The following JAK2 variants were observed in gnomAD, a reference collection of about 807,000 sequenced individuals.
JAK2 encodes tyrosine-protein kinase JAK2.
A neutral mutation model predicts 139.3 loss-of-function variants in JAK2; 86 were observed. The ratio of observed to expected loss-of-function variants is 0.62; its 90% CI spans 0.52 to 0.74. The LOEUF (loss-of-function observed/expected upper bound fraction) is 0.74. JAK2 is among the 30% of genes least tolerant of loss of function. JAK2 has a pLI of 0.00. For synonymous variants in JAK2, 490 were observed against 437.7 expected (o/e 1.12, Z -1.49); for missense variants, 1,421 against 1,360.3 (o/e 1.04, Z -0.70).
At chr9:5,036,343 A>C (rs940700425) in intron 4 of JAK2, among the ~76,000 whole-genome samples, 46 of 152,304 alleles carry the variant, frequency 3.0e-4, no homozygotes, top group African/African-American at 1.0e-3. Context: ...ATCAAGCTAC[A>C]GATGACTTTC....
chr9:5,023,652 C>T (rs1186327606), intron 3 of JAK2, among the ~76,000 whole-genome samples: 1 of 152,186 alleles, frequency 6.6e-6, no homozygotes, highest in Admixed American at 6.5e-5. Flanking sequence ...TTGCCAATCC[C>T]GGCTGGGCAG....
At chr9:5,009,933 T>G (rs1417510974) in intron 2 of JAK2, among the ~76,000 whole-genome samples, 2 of 152,162 alleles carry the variant, frequency 1.3e-5, no homozygotes, top group East Asian at 3.9e-4. Context: ...ACATGCTGGC[T>G]AATTTTTAGA....
In JAK2 at chr9:5,064,875, C is replaced by G; in HGVS notation, c.1057-8C>G. 1 of 1,529,738 alleles carries G rather than the reference C, an allele frequency of 6.5e-7. No individual in the cohort carries two copies. Among genetic ancestry groups the G allele is most frequent in the Non-Finnish European group, 8.8e-7 (1 of 1,138,168 alleles). 94.8% of individuals were successfully genotyped at this position (1,529,738 alleles called of 1,614,324 possible). ...AAGGTGCTATTTCTTTTTCTTTTCT[C>G]TGCTTAGGAAATTGAACTTAGCTCA... On this transcript the variant is annotated splice_polypyrimidine_tract_variant and splice_region_variant and intron_variant, in intron 8 of 24. Transcript: ENST00000381652.
rs145939537 is a variant in JAK2, at chr9:5,090,750, T to C, written c.2898T>C (p.Tyr966=). 26 of 1,603,082 alleles carry C rather than the reference T, an allele frequency of 1.6e-5. No homozygotes were observed. Among genetic ancestry groups the C allele is most frequent in the African/African-American group, 2.7e-5 (2 of 74,066 alleles). The change falls in exon 22 of 25, where the codon TAT becomes TAC. Residue 966 remains tyrosine, a synonymous_variant. Transcript: ENST00000381652. ...TGTTTTATCCATAGGGTATGGAGTA[T>C]CTTGGTACAAAAAGGTATATCCACA... ...YTSQICKGME[Y]LGTKRYIHRD... is the part of the protein sequence containing the mutation.
rs1463312508 is a variant in JAK2, at chr9:5,009,769, GTTAA to G, written c.-25-12193_-25-12190del. On this transcript the variant is annotated intron_variant, in intron 2 of 24. Transcript: ENST00000381652. The stretch of plus-strand genomic sequence containing the variant: ...TTCCTCTGTGTATTTTTTTTCTTCA[GTTAA>G]AATTTTTTTTTTTTGCAGTCACAGT... Among the ~76,000 whole-genome samples, 8 of 151,428 alleles carry G rather than the reference GTTAA, an allele frequency of 5.3e-5. No individual in the cohort carries two copies. In the East Asian group the frequency reaches 1.6e-3, roughly 29 times the overall value.
In JAK2 at chr9:4,987,779, C is replaced by T. The variant is rs575090811; in HGVS notation, c.-26+1757C>T. Among the ~76,000 whole-genome samples, 48 of 151,104 alleles carry T rather than the reference C, an allele frequency of 3.2e-4. No individual in the cohort carries two copies. The South Asian group carries it at 7.6e-3, about 24-fold the overall frequency. On this transcript the variant is annotated intron_variant, in intron 2 of 24. Coordinates refer to ENST00000381652, the MANE Select transcript of JAK2 (RefSeq NM_004972.4). ...AAGAAAAAAAGAGTTATATTATTTACGACTCTTTTAGCTTCACTTTCTTAT... is the reference window on the plus strand; with the variant it reads ...AAGAAAAAAAGAGTTATATTATTTATGACTCTTTTAGCTTCACTTTCTTAT...
At chr9:5,070,672 G>C (rs1403249299) in intron 12 of JAK2, among the ~76,000 whole-genome samples, 2 of 152,042 alleles carry the variant, frequency 1.3e-5, no homozygotes, top group Non-Finnish European at 2.9e-5. Flanking sequence ...TTTCCTTGCA[G>C]ATGCAGAACC....
chr9:5,030,220 T>C (rs1369370990), intron 4 of JAK2, among the ~76,000 whole-genome samples: 1 of 152,220 alleles, frequency 6.6e-6, no homozygotes, highest in Non-Finnish European at 1.5e-5. Context: ...GGGATATTGC[T>C]GGTTTGTGCA....
intron 2 of JAK2, among the ~76,000 whole-genome samples, chr9:4,996,656 T>C (rs1015114334): frequency 6.7e-6 from 1 of 148,322 alleles, no homozygotes; most frequent in Non-Finnish European, 1.5e-5. Context: ...GAATCCACCA[T>C]TTAGGACCCT....
intron 2 of JAK2, among the ~76,000 whole-genome samples, chr9:5,009,858 A>C (rs1821572543): frequency 6.6e-6 from 1 of 151,530 alleles, no homozygotes; most frequent in Admixed American, 6.6e-5. Flanking sequence ...GCAGGCTCAA[A>C]CTCATAAGCT....
chr9:5,089,883 C>T lies in JAK2; in HGVS notation c.2761+20C>T, dbSNP rs762915560. On this transcript the variant is annotated intron_variant, in intron 20 of 24. Transcript: ENST00000381652. ...GTGCTGGTAAGCTGCCCATTGAAAC[C>T]TATTTTAAATTCAAGGTATGTGTTT... 7.0e-7 allele frequency: 1 copy of T among 1,428,746 alleles called. No homozygotes were observed. Among genetic ancestry groups the T allele is most frequent in the Admixed American group, 2.6e-5 (1 of 38,356 alleles). 88.5% of individuals were successfully genotyped at this position (1,428,746 alleles called of 1,614,324 possible).
intron 22 of JAK2, chr9:5,110,893 G>T: frequency 5.6e-6 from 3 of 538,806 alleles, no homozygotes; most frequent in Non-Finnish European, 1.1e-5. Flanking sequence ...TGTCTGAGAT[G>T]CCCGCTCTGG....
At chr9:5,071,016 A>G (rs914693934) in intron 12 of JAK2, among the ~76,000 whole-genome samples, 4 of 152,178 alleles carry the variant, frequency 2.6e-5, no homozygotes, top group Non-Finnish European at 5.9e-5. Context: ...AGCAGAGAAG[A>G]AAAGGAATAT....
At position 5,050,879 on chromosome 9, in the gene JAK2, T is replaced by C. The variant is rs142724240; in HGVS notation, c.614+48T>C. On this transcript the variant is annotated intron_variant, in intron 6 of 24. Coordinates refer to ENST00000381652, the MANE Select transcript of JAK2 (RefSeq NM_004972.4). ...TACACATAAGTGTGAGTAGAGATTTTATATAATTCGTATATATTTTCTGTG... is the reference window on the plus strand; with the variant it reads ...TACACATAAGTGTGAGTAGAGATTTCATATAATTCGTATATATTTTCTGTG... The C allele has an allele frequency of 2.9e-4, 436 of 1,481,324 alleles. 1 individual carries two copies. The highest frequency in any genetic ancestry group is 6.3e-4 in the South Asian group (54 of 85,934). 91.8% of individuals were successfully genotyped at this position (1,481,324 alleles called of 1,614,324 possible). A position where few individuals can be genotyped will look rare whatever the true frequency, so the allele number is the denominator to read the frequency against.
intron 2 of JAK2, among the ~76,000 whole-genome samples, chr9:5,016,045 G>A (rs1376746948): frequency 6.6e-6 from 1 of 152,138 alleles, no homozygotes; most frequent in Non-Finnish European, 1.5e-5. Context: ...TGCTCTTGTG[G>A]TACAACATGG....
In JAK2 at chr9:5,121,593, C is replaced by T. The variant is rs141535926; in HGVS notation, c.3060-1411C>T. ...TGACTGAATTCCCAAGAGATAGTTACACGTTCTTGAGAAAGACATTCATGG... is the reference window on the plus strand; with the variant it reads ...TGACTGAATTCCCAAGAGATAGTTATACGTTCTTGAGAAAGACATTCATGG... On this transcript the variant is annotated intron_variant, in intron 22 of 24. Transcript: ENST00000381652. 5.5e-4 allele frequency among the ~76,000 whole-genome samples: 84 copies of T among 152,258 alleles called. No individual in the cohort carries two copies. In the East Asian group the frequency reaches 0.012, roughly 22 times the overall value.
At chr9:4,995,685 C>T (rs908240924) in intron 2 of JAK2, among the ~76,000 whole-genome samples, 4 of 152,128 alleles carry the variant, frequency 2.6e-5, no homozygotes, top group Non-Finnish European at 5.9e-5. Flanking sequence ...TATTTATTAG[C>T]ATATGGGAGG....
At chr9:5,032,560 C>T (rs551289546) in intron 4 of JAK2, among the ~76,000 whole-genome samples, 1 of 152,350 alleles carries the variant, frequency 6.6e-6, no homozygotes, top group African/African-American at 2.4e-5. Context: ...TCCAGAGGAA[C>T]AGTCAGGCAG....
intron 22 of JAK2, among the ~76,000 whole-genome samples, chr9:5,121,201 T>C (rs187687161): frequency 3.3e-5 from 5 of 152,218 alleles, no homozygotes; most frequent in Admixed American, 2.0e-4. Flanking sequence ...AATTTTATGA[T>C]TGAGTAAGCA....
Sources: allele counts gnomAD v4.1 joint callset (sites outside exome capture counted in the v4.1 genomes callset), GRCh38; gene constraint gnomAD v4.1.1; transcripts MANE v1.5; gene names NCBI Gene and HGNC (gene_info 2026-07-23, HGNC 2026-07-21).